IGFN1: variants seen among roughly 807,000 people sequenced by gnomAD.
IGFN1 encodes the protein immunoglobulin-like and fibronectin type III domain-containing protein 1.
IGFN1 carries 253 observed loss-of-function variants against 289.5 expected under a neutral mutation model. The ratio of observed to expected loss-of-function variants is 0.87; its 90% CI spans 0.79 to 0.97. The LOEUF is 0.97. IGFN1 is among the 50% of genes least tolerant of loss of function. The pLI is 0.00. For synonymous variants in IGFN1, 1,706 were observed against 1,788.5 expected, an observed-to-expected ratio of 0.95 and a Z score of 1.16; for missense variants, 4,470 against 4,686.1, an observed-to-expected ratio of 0.95 and a Z score of 1.35.
In IGFN1 at chr1:201,206,717, C is replaced by T. The variant is rs572025261; in HGVS notation, c.1824C>T (p.Ser608=). ...GACTGGGACCTGGGAGAGGAAAGAG[C>T]GACCTGCAGGGATGCCAGTCTGATC... ...DARLGPGRGK[S]DLQGCQSDPV... The change falls in exon 12 of 24, where the codon AGC becomes AGT. Residue 608 remains serine, a synonymous_variant. Transcript: ENST00000335211. The T allele has an allele frequency of 1.5e-4, 223 of 1,536,804 alleles. 1 individual carries two copies. The highest frequency in any genetic ancestry group is 1.4e-3 in the South Asian group (117 of 84,056).
rs778840319 is a variant in IGFN1, at chr1:201,225,843, G to A, written c.10506G>A (p.Gly3502=). 5.0e-6 allele frequency: 8 copies of A among 1,612,534 alleles called. No individual in the cohort carries two copies. In the East Asian group the frequency reaches 1.3e-4, roughly 27 times the overall value. Residue 3502 remains glycine, a synonymous_variant, in exon 22 of 24, where the codon GGG becomes GGA. Transcript: ENST00000335211. ...IRVAACPQAP[G]PIHLQENVPG... ...CTGAAGCATGCCCGCAGGCCCCTGG[G>A]CCCATCCACCTGCAGGAGAACGTGC...
chr1:201,214,018 A>T (rs111306575), intron 12 of IGFN1, among the ~76,000 whole-genome samples, 159 bp from the exon 13 acceptor site: 147 of 152,324 alleles, frequency 9.7e-4, no homozygotes, highest in African/African-American at 3.3e-3. Context: ...CCTGTCTGGG[A>T]AGACCAGGGC....
In IGFN1 at chr1:201,192,046, G is replaced by A. The variant is rs568635308; in HGVS notation, c.-48+1139G>A. ...GCCGTGTCCAGCTGGGTCCTCATCC[G>A]TTGGTGGCTGCCTTCCCTCCCACCC... On this transcript the variant is annotated intron_variant, in intron 1 of 23. Transcript: ENST00000335211. Among the ~76,000 whole-genome samples, 23 of 152,312 alleles carry A rather than the reference G, an allele frequency of 1.5e-4. No homozygotes were observed. The South Asian group carries it at 2.7e-3, about 18-fold the overall frequency.
In IGFN1 at chr1:201,206,203, AG is replaced by A. The variant is rs1667409970; in HGVS notation, c.1311del (p.Glu437AspfsTer21). Reference sequence around the variant, plus strand: ...GAGAGCCAGGGAGAGAAATCCAGAGAGCAGGGCCCCAGGGGGGGCTCCCTTG... The same window carrying A: ...GAGAGCCAGGGAGAGAAATCCAGAGACAGGGCCCCAGGGGGGGCTCCCTTG... ...SIESQGEKSR[E>X]QGPRGGSLEG... is the part of the protein sequence containing the mutation. On this transcript the variant is annotated frameshift_variant, in exon 12 of 24. Transcript: ENST00000335211. LOFTEE classifies it high-confidence loss of function. The A allele has an allele frequency of 3.2e-6, 5 of 1,549,656 alleles. No individual in the cohort carries two copies. In the East Asian group the frequency reaches 1.2e-4, roughly 38 times the overall value.
intron 1 of IGFN1, among the ~76,000 whole-genome samples, chr1:201,192,184 G>A (rs1281881683): frequency 6.6e-6 from 1 of 152,230 alleles, no homozygotes; most frequent in African/African-American, 2.4e-5. Context: ...GGCTGGCGAG[G>A]GGCTGCCAGG....
intron 3 of IGFN1, 127 bp downstream of exon 3, chr1:201,194,400 T>C: frequency 3.0e-6 from 3 of 1,004,808 alleles, no homozygotes; most frequent in Non-Finnish European, 4.3e-6. Context: ...CCATAGCCCA[T>C]CTCCCTCCTA....
Position 201,197,235 on chromosome 1 carries a change from C to T in IGFN1, c.285C>T (p.Gly95=), listed in dbSNP as rs189741487. Residue 95 remains glycine, a synonymous_variant, in exon 5 of 24, where the codon GGC becomes GGT. Coordinates refer to ENST00000335211, the MANE Select transcript of IGFN1 (RefSeq NM_001164586.2). ...CTCTGCAGATCAACAAGCTGACAGG[C>T]GAGGACACGGATCTGTACCGCTGCA... ...EHVLQINKLT[G]EDTDLYRCTA... 18 of 1,550,564 alleles carry T rather than the reference C, an allele frequency of 1.2e-5. No individual in the cohort carries two copies. The highest frequency in any genetic ancestry group is 4.1e-5 in the African/African-American group (3 of 73,170).
Position 201,208,767 on chromosome 1 carries a change from T to G in IGFN1, c.3874T>G (p.Leu1292Val), listed in dbSNP as rs146825487. The change falls in exon 12 of 24, where the codon TTG becomes GTG. Residue 1292 changes from leucine (L) to valine (V), a missense_variant. Leu to Val is a conservative substitution (Grantham distance 32). Around this residue, in one of 8 missense-constraint regions of IGFN1, gnomAD observed 2,011 missense variants for 1,953.4 expected, o/e 1.03. Coordinates refer to ENST00000335211, the MANE Select transcript of IGFN1 (RefSeq NM_001164586.2). ...SVDKEGYKKD[L>V]GAPENMGSGS... ...GGATAAGGAAGGTTATAAGAAAGAT[T>G]TGGGGGCTCCTGAGAATATGGGTTC... 3.9e-6 allele frequency: 6 copies of G among 1,536,196 alleles called. No individual in the cohort carries two copies. The highest frequency in any genetic ancestry group is 5.2e-6 in the Non-Finnish European group (6 of 1,146,618).
Position 201,207,787 on chromosome 1 carries a change from T to G in IGFN1, c.2894T>G (p.Ile965Arg), listed in dbSNP as rs1363342736. The change falls in exon 12 of 24, where the codon ATA becomes AGA. Residue 965 changes from isoleucine (I) to arginine (R), a missense_variant. Coordinates refer to ENST00000335211, the MANE Select transcript of IGFN1 (RefSeq NM_001164586.2). The stretch of plus-strand genomic sequence containing the variant: ...GGTGGCTTAGGATATTCTAGGGAAA[T>G]AAGCTCTAAAAGCGGGGCTGGTTAT... ...YEGGLGYSRE[I>R]SSKSGAGYSY... The G allele has an allele frequency of 2.0e-6, 3 of 1,536,152 alleles. No individual in the cohort carries two copies. The South Asian group carries it at 3.6e-5, about 18-fold the overall frequency.
chr1:201,219,768 T>C (rs1417337495), intron 18 of IGFN1, among the ~76,000 whole-genome samples: 1 of 152,224 alleles, frequency 6.6e-6, no homozygotes, highest in Admixed American at 6.5e-5. Context: ...CGAAACATTC[T>C]GTACATTTCA....
chr1:201,200,303 C>G lies in IGFN1; in HGVS notation c.525C>G (p.Asp175Glu), dbSNP rs1385019505. The change falls in exon 8 of 24, where the codon GAC becomes GAG. Residue 175 changes from aspartate (D) to glutamate (E), a missense_variant. Asp to Glu is a conservative substitution (Grantham distance 45). This residue lies in a region of IGFN1 where 2,011 missense variants were observed against 1,953.4 expected (regional missense o/e 1.03). Transcript: ENST00000335211. The part of the protein sequence containing the change: ...EQIWQLLMTA[D>E]RKDYEKICLK... ...TATGGCAGCTGCTGATGACAGCAGA[C>G]AGGAAGGACTACGAGAAGATCTGCT... 5.8e-6 allele frequency: 9 copies of G among 1,551,534 alleles called. No individual in the cohort carries two copies. Among genetic ancestry groups the G allele is most frequent in the Non-Finnish European group, 7.8e-6 (9 of 1,146,924 alleles).
chr1:201,193,367 G>A, intron 2 of IGFN1, 67 bp downstream of exon 2: 1 of 1,166,046 alleles, frequency 8.6e-7, no homozygotes, highest in African/African-American at 1.5e-5. Flanking sequence ...AGAGAGGAGA[G>A]AAGTGGTAGG....
chr1:201,193,397 C>T (rs1458535942), intron 2 of IGFN1, 97 bp downstream of exon 2: 49 of 812,804 alleles, frequency 6.0e-5, no homozygotes, highest in Non-Finnish European at 9.6e-5. Flanking sequence ...TTTCTGGGAA[C>T]TTGCCCATCT....
At chr1:201,215,984 C>G (rs1421880683) in intron 15 of IGFN1, 146 bp downstream of exon 15, 1 of 835,974 alleles carries the variant, frequency 1.2e-6, no homozygotes, top group Non-Finnish European at 2.0e-6. Flanking sequence ...CTACCACTAA[C>G]TCTGCTCAGA....
At position 201,212,302 on chromosome 1, in the gene IGFN1, A is replaced by T. The variant is rs1000757318; in HGVS notation, c.7409A>T (p.Tyr2470Phe). The change falls in exon 12 of 24, where the codon TAT becomes TTT. Residue 2470 changes from tyrosine (Y) to phenylalanine (F), a missense_variant. Coordinates refer to ENST00000335211, the MANE Select transcript of IGFN1 (RefSeq NM_001164586.2). Reference protein sequence around the residue: ...ERGSTKDLGGYGTSGIPEASE... With the variant: ...ERGSTKDLGGFGTSGIPEASE... ...GGCTCCACCAAAGATCTTGGGGGCT[A>T]TGGAACTTCAGGGATCCCTGAGGCC... 5 of 1,536,366 alleles carry T rather than the reference A, an allele frequency of 3.3e-6. No homozygotes were observed. The South Asian group carries it at 5.9e-5, about 18-fold the overall frequency.
chr1:201,194,130 C>G (rs1666776847), intron 2 of IGFN1, 24 bp from the exon 3 acceptor site: 1 of 1,550,558 alleles, frequency 6.4e-7, no homozygotes, highest in African/African-American at 1.4e-5. Context: ...AAGGCCCCAT[C>G]TCCTTCCCTC....
chr1:201,196,440 G>A (rs989886901), intron 4 of IGFN1, among the ~76,000 whole-genome samples: 1 of 152,200 alleles, frequency 6.6e-6, no homozygotes, highest in African/African-American at 2.4e-5. Flanking sequence ...CACCTCCCAG[G>A]TTCAAGCGAT....
At chr1:201,201,585 C>G in intron 8 of IGFN1, 134 bp from the exon 9 acceptor site, 1 of 574,400 alleles carries the variant, frequency 1.7e-6, no homozygotes, top group East Asian at 2.9e-5. Flanking sequence ...CTTTCCCCCA[C>G]TTGTAAAAGG....
chr1:201,215,877 C>T (rs1438570839), intron 15 of IGFN1, 39 bp downstream of exon 15: 1 of 1,590,400 alleles, frequency 6.3e-7, no homozygotes, highest in Non-Finnish European at 8.6e-7. Flanking sequence ...GCCTGAGAGT[C>T]CCTGGGGTTC....
Sources: allele counts gnomAD v4.1 joint callset (sites outside exome capture counted in the v4.1 genomes callset), GRCh38; gene constraint gnomAD v4.1.1; regional missense constraint gnomAD v4.1.1; transcripts MANE v1.5; gene names NCBI Gene and HGNC (gene_info 2026-07-23, HGNC 2026-07-21).